The following CTNNA2 variants were observed in gnomAD, a reference collection of about 807,000 sequenced individuals.
The protein encoded by CTNNA2 is catenin alpha 2, also known as catenin alpha-2.
CTNNA2 carries 42 observed loss-of-function variants against 101.0 expected under a neutral mutation model. That is an observed-to-expected ratio of 0.42 (90% confidence interval 0.32 to 0.54). The LOEUF is 0.54. Among genes scored for constraint, CTNNA2 ranks in the 20% least tolerant of loss-of-function variants. The pLI is 0.14. For synonymous variants in CTNNA2, 450 were observed against 456.4 expected (o/e 0.99, Z 0.18); for missense variants, 871 against 1,223.1 (o/e 0.71, Z 4.29).
At chr2:79,683,410 C>T (rs1238463364) in intron 2 of CTNNA2, among the ~76,000 whole-genome samples, 6 of 152,094 alleles carry the variant, frequency 3.9e-5, no homozygotes, top group East Asian at 1.9e-4. Context: ...TGAAGAAGTC[C>T]GTCTTTGGAA....
Position 80,520,674 on chromosome 2 carries a change from C to T in CTNNA2, c.1291-24308C>T, listed in dbSNP as rs1020291740. Among the ~76,000 whole-genome samples, 43 of 152,302 alleles carry T rather than the reference C, an allele frequency of 2.8e-4. 1 individual carries two copies. Among genetic ancestry groups the T allele is most frequent in the Middle Eastern group, 3.4e-3 (1 of 294 alleles). Reference sequence around the variant, plus strand: ...TTCCCATTCATGAAGACTCCACTCTCATGACTTAATTAGCCCCCAAGGGCT... The same window carrying T: ...TTCCCATTCATGAAGACTCCACTCTTATGACTTAATTAGCCCCCAAGGGCT... On this transcript the variant is annotated intron_variant, in intron 9 of 18. Coordinates refer to ENST00000402739, the MANE Select transcript of CTNNA2 (RefSeq NM_001282597.3).
intron 2 of CTNNA2, among the ~76,000 whole-genome samples, chr2:79,312,033 G>A (rs559645747): frequency 6.6e-6 from 1 of 151,906 alleles, no homozygotes; most frequent in Non-Finnish European, 1.5e-5. Flanking sequence ...CTCTTGAGTA[G>A]CTGGGACAAC....
intron 7 of CTNNA2, among the ~76,000 whole-genome samples, chr2:80,392,191 T>C (rs1677579248): frequency 6.6e-6 from 1 of 152,184 alleles, no homozygotes; most frequent in African/African-American, 2.4e-5. Context: ...TAGGCACAAC[T>C]TAAGATCTGG....
intron 4 of CTNNA2, among the ~76,000 whole-genome samples, chr2:79,416,187 A>T (rs542678642): frequency 2.0e-5 from 3 of 150,624 alleles, no homozygotes; most frequent in African/African-American, 7.3e-5. Context: ...TTTCCAAGTC[A>T]TCTTCTTTTT....
At chr2:80,395,444 T>A (rs1458717081) in intron 8 of CTNNA2, among the ~76,000 whole-genome samples, 2 of 152,212 alleles carry the variant, frequency 1.3e-5, no homozygotes, top group Non-Finnish European at 2.9e-5. Flanking sequence ...GTCAGTTTCA[T>A]CCCTGCCCAT....
At chr2:80,512,386 A>G (rs111602968) in intron 9 of CTNNA2, among the ~76,000 whole-genome samples, 10 of 152,248 alleles carry the variant, frequency 6.6e-5, no homozygotes, top group African/African-American at 2.4e-4. Flanking sequence ...TAAAACTTCA[A>G]AGGAAAATGG....
At chr2:79,499,667 G>A (rs1671298773) in intron 4 of CTNNA2, among the ~76,000 whole-genome samples, 1 of 152,072 alleles carries the variant, frequency 6.6e-6, no homozygotes, top group Non-Finnish European at 1.5e-5. Flanking sequence ...ACTCCACACT[G>A]GCTATAGTAT....
At chr2:79,844,872 T>G (rs531521031) in intron 3 of CTNNA2, among the ~76,000 whole-genome samples, 2 of 151,982 alleles carry the variant, frequency 1.3e-5, no homozygotes, top group South Asian at 4.2e-4. Flanking sequence ...TTTAGAAACT[T>G]AGCCAGGAGT....
intron 1 of CTNNA2, among the ~76,000 whole-genome samples, chr2:79,515,922 C>G (rs1279278553): frequency 6.6e-6 from 1 of 152,166 alleles, no homozygotes; most frequent in African/African-American, 2.4e-5. Flanking sequence ...GCTCTTAACA[C>G]CTGCCTAACC....
At chr2:80,251,496 A>G (rs1318616543) in intron 7 of CTNNA2, among the ~76,000 whole-genome samples, 2 of 152,116 alleles carry the variant, frequency 1.3e-5, no homozygotes, top group African/African-American at 4.8e-5. Flanking sequence ...AAACTGTGTA[A>G]TGAAAAAGAA....
chr2:79,214,770 G>A (rs1674225520), intron 2 of CTNNA2, among the ~76,000 whole-genome samples: 1 of 152,040 alleles, frequency 6.6e-6, no homozygotes, highest in Admixed American at 6.6e-5. Flanking sequence ...CAGATAATTT[G>A]GTTAAAATAT....
At chr2:80,543,749 G>A (rs1031649725) in intron 9 of CTNNA2, among the ~76,000 whole-genome samples, 4 of 152,120 alleles carry the variant, frequency 2.6e-5, no homozygotes, top group Non-Finnish European at 4.4e-5. Context: ...GGAACTATAA[G>A]CATGGGTGGT....
chr2:80,114,132 T>C (rs528746471), intron 7 of CTNNA2, among the ~76,000 whole-genome samples: 31 of 152,218 alleles, frequency 2.0e-4, no homozygotes, highest in Non-Finnish European at 4.1e-4. Flanking sequence ...ATGTACATTG[T>C]TCTTCTATCC....
intron 2 of CTNNA2, among the ~76,000 whole-genome samples, chr2:79,727,419 T>C (rs920672470): frequency 3.9e-5 from 6 of 152,126 alleles, no homozygotes; most frequent in Non-Finnish European, 8.8e-5. Flanking sequence ...CTAAATGACT[T>C]GGAAAGATAC....
chr2:80,359,436 C>T (rs535467629), intron 7 of CTNNA2, among the ~76,000 whole-genome samples: 20 of 152,236 alleles, frequency 1.3e-4, no homozygotes, highest in African/African-American at 2.6e-4. Context: ...GTGTTGGAGG[C>T]GGAGCCTGGT....
intron 7 of CTNNA2, among the ~76,000 whole-genome samples, chr2:80,032,355 G>T (rs894532009): frequency 6.6e-6 from 1 of 152,200 alleles, no homozygotes; most frequent in Non-Finnish European, 1.5e-5. Context: ...GCAGCTGGCA[G>T]TTAAGGGAAT....
intron 7 of CTNNA2, among the ~76,000 whole-genome samples, chr2:79,937,985 A>T (rs900854486): frequency 6.6e-6 from 1 of 152,218 alleles, no homozygotes; most frequent in Non-Finnish European, 1.5e-5. Context: ...TGAGGCAGAC[A>T]TGTTTTTTAA....
chr2:80,009,565 G>A (rs1202243734), intron 7 of CTNNA2, among the ~76,000 whole-genome samples: 10 of 152,182 alleles, frequency 6.6e-5, no homozygotes, highest in Middle Eastern at 3.4e-3. Flanking sequence ...GAAAATATAT[G>A]CACATTCACA....
At chr2:79,486,474 T>C (rs1444645535) in intron 4 of CTNNA2, among the ~76,000 whole-genome samples, 1 of 152,206 alleles carries the variant, frequency 6.6e-6, no homozygotes, top group African/African-American at 2.4e-5. Context: ...CAGTCTATCA[T>C]TGTTGGACAT....
Sources: allele counts gnomAD v4.1 joint callset (sites outside exome capture counted in the v4.1 genomes callset), GRCh38; gene constraint gnomAD v4.1.1; transcripts MANE v1.5; gene names NCBI Gene and HGNC (gene_info 2026-07-23, HGNC 2026-07-21).